SLC4A4: variants seen among roughly 807,000 people sequenced by gnomAD.
SLC4A4 encodes electrogenic sodium bicarbonate cotransporter 1.
In SLC4A4, 27 loss-of-function variants were observed where a neutral mutation model predicts 111.5. That is an observed-to-expected ratio of 0.24 (90% CI 0.18 to 0.33). SLC4A4 has a LOEUF of 0.33. Ranked by LOEUF, SLC4A4 falls within the 10% of genes least tolerant of loss-of-function variation. SLC4A4 has a pLI of 1.00. For missense variants in SLC4A4, 909 were observed against 1,315.5 expected (o/e 0.69, Z 4.78); for synonymous variants, 443 against 463.4 (o/e 0.96, Z 0.57).
At chr4:71,088,544 A>G (rs983386920) in intron 1 of SLC4A4, among the ~76,000 whole-genome samples, 10 of 152,042 alleles carry the variant, frequency 6.6e-5, no homozygotes, top group African/African-American at 1.9e-4. Flanking sequence ...GGCTGGTACC[A>G]GTTGTTCCTT....
At chr4:71,164,340 A>G (rs1273901073) in intron 2 of SLC4A4, among the ~76,000 whole-genome samples, 1 of 150,962 alleles carries the variant, frequency 6.6e-6, no homozygotes, top group Non-Finnish European at 1.5e-5. Flanking sequence ...GAGATCGTGC[A>G]CTGCACTCCA....
chr4:71,497,077 C>T (rs1328090812), intron 15 of SLC4A4, among the ~76,000 whole-genome samples: 2 of 151,996 alleles, frequency 1.3e-5, no homozygotes, highest in East Asian at 1.9e-4. Flanking sequence ...AACCATAGGG[C>T]CATCAGGTAG....
intron 6 of SLC4A4, among the ~76,000 whole-genome samples, chr4:71,388,580 G>A (rs1718979125): frequency 6.6e-6 from 1 of 151,910 alleles, no homozygotes; most frequent in Non-Finnish European, 1.5e-5. Flanking sequence ...GTCTTGCTTT[G>A]TTGCCCAGGC....
intron 7 of SLC4A4, among the ~76,000 whole-genome samples, chr4:71,424,060 C>A (rs1007356194): frequency 4.6e-5 from 7 of 152,122 alleles, no homozygotes; most frequent in Admixed American, 4.6e-4. Flanking sequence ...AGGCAACCCA[C>A]AAAATGGGGG....
At chr4:71,163,495 T>C (rs1048282606) in intron 2 of SLC4A4, among the ~76,000 whole-genome samples, 8 of 152,222 alleles carry the variant, frequency 5.3e-5, no homozygotes, top group African/African-American at 1.7e-4. Context: ...TGATGTAATA[T>C]GATAAGTGAC....
intron 6 of SLC4A4, among the ~76,000 whole-genome samples, chr4:71,396,367 G>T: frequency 1.3e-5 from 2 of 152,256 alleles, no homozygotes; most frequent in Middle Eastern, 6.8e-3. Context: ...TTAAATAGCT[G>T]CTGTTATATA....
chr4:71,353,863 G>C (rs867531295), intron 5 of SLC4A4, among the ~76,000 whole-genome samples: 1 of 152,162 alleles, frequency 6.6e-6, no homozygotes, highest in South Asian at 2.1e-4. Flanking sequence ...ATCTCACCCT[G>C]CAGGCTCAAA....
chr4:71,299,951 G>A (rs1288919778), intron 3 of SLC4A4, among the ~76,000 whole-genome samples: 1 of 152,174 alleles, frequency 6.6e-6, no homozygotes, highest in East Asian at 1.9e-4. Context: ...GGATGAGGCA[G>A]GGATAGGATC....
In SLC4A4 at chr4:71,329,490, C is replaced by T. The variant is rs189982531; in HGVS notation, c.254-9880C>T. ...TTCCATTTTGTTATGTCTTCAATTTCGTGCATCAATGTTTTATAGTTTTCA... is the reference window on the plus strand; with the variant it reads ...TTCCATTTTGTTATGTCTTCAATTTTGTGCATCAATGTTTTATAGTTTTCA... On this transcript the variant is annotated intron_variant, in intron 3 of 25. Coordinates refer to ENST00000264485, the MANE Select transcript of SLC4A4 (RefSeq NM_001098484.3). 1.7e-4 allele frequency among the ~76,000 whole-genome samples: 26 copies of T among 152,040 alleles called. No individual in the cohort carries two copies. The East Asian group carries it at 3.5e-3, about 20-fold the overall frequency.
At chr4:71,097,357 G>A (rs547182836) in intron 2 of SLC4A4, among the ~76,000 whole-genome samples, 83 of 152,186 alleles carry the variant, frequency 5.5e-4, no homozygotes, top group African/African-American at 1.8e-3. Context: ...ACATGATCTC[G>A]TTCTTTTCTG....
chr4:71,519,792 G>C (rs888147279), intron 16 of SLC4A4, among the ~76,000 whole-genome samples: 1 of 152,012 alleles, frequency 6.6e-6, no homozygotes, highest in Non-Finnish European at 1.5e-5. Context: ...ACACCACCAT[G>C]CCCAGCATAT....
intron 2 of SLC4A4, among the ~76,000 whole-genome samples, chr4:71,178,990 A>G (rs1012897457): frequency 6.6e-6 from 1 of 152,214 alleles, no homozygotes; most frequent in Non-Finnish European, 1.5e-5. Context: ...GCAGCACATC[A>G]AAAAGCTTGT....
At position 71,567,033 on chromosome 4, in the gene SLC4A4, C is replaced by T. The variant is rs1737540024; in HGVS notation, c.3226C>T (p.His1076Tyr). ...RERSPTFLERHTSC is the reference protein window; with the variant it reads ...RERSPTFLERYTSC ...AAGATCACCAACATTCCTTGAACGC[C>T]ACACATCATGCTGATAAAATTCCTT... Residue 1076 changes from histidine (H) to tyrosine (Y), a missense_variant, in exon 25 of 26, where the codon CAC becomes TAC. Transcript: ENST00000264485. 22 of 1,610,086 alleles carry T rather than the reference C, an allele frequency of 1.4e-5. No homozygotes were observed. In the East Asian group the frequency reaches 4.7e-4, roughly 34 times the overall value.
At chr4:71,528,983 T>C (rs895570517) in intron 16 of SLC4A4, among the ~76,000 whole-genome samples, 7 of 152,110 alleles carry the variant, frequency 4.6e-5, no homozygotes, top group African/African-American at 1.4e-4. Flanking sequence ...AATGAACATA[T>C]ATTAATTTTG....
chr4:71,397,969 GA>G (rs1483244374), intron 7 of SLC4A4, among the ~76,000 whole-genome samples: 3 of 152,086 alleles, frequency 2.0e-5, no homozygotes, highest in South Asian at 4.1e-4. Context: ...GATAACTTAT[GA>G]AAAAAATACT....
intron 7 of SLC4A4, among the ~76,000 whole-genome samples, chr4:71,414,619 T>C (rs1157619648): frequency 3.3e-5 from 5 of 152,242 alleles, no homozygotes; most frequent in African/African-American, 1.2e-4. Flanking sequence ...AACTGGGGTA[T>C]GTGCAGAAGA....
chr4:71,137,358 A>C (rs1244643965), intron 2 of SLC4A4, among the ~76,000 whole-genome samples: 1 of 152,208 alleles, frequency 6.6e-6, no homozygotes, highest in East Asian at 1.9e-4. Context: ...TTGATCACTT[A>C]TCTATCTAGA....
At chr4:71,328,235 C>T (rs1295594430) in intron 3 of SLC4A4, among the ~76,000 whole-genome samples, 1 of 152,122 alleles carries the variant, frequency 6.6e-6, no homozygotes, top group Non-Finnish European at 1.5e-5. Context: ...TGTTGATGCT[C>T]ACTTAAGTTG....
chr4:71,430,953 T>C (rs1453175408), intron 7 of SLC4A4, among the ~76,000 whole-genome samples: 1 of 152,124 alleles, frequency 6.6e-6, no homozygotes, highest in Non-Finnish European at 1.5e-5. Flanking sequence ...TGTCCACATA[T>C]GTGGCCTGGA....
Sources: allele counts gnomAD v4.1 joint callset (sites outside exome capture counted in the v4.1 genomes callset), GRCh38; gene constraint gnomAD v4.1.1; transcripts MANE v1.5; gene names NCBI Gene and HGNC (gene_info 2026-07-23, HGNC 2026-07-21).